Variants in MYO10 observed in about 807,000 individuals in gnomAD.
MYO10 encodes myosin X.
In MYO10, 133 loss-of-function variants were observed where a neutral mutation model predicts 257.3. The ratio of observed to expected loss-of-function variants is 0.52; its 90% CI spans 0.45 to 0.60. The LOEUF (loss-of-function observed/expected upper bound fraction) is 0.60. Ranked by LOEUF, MYO10 falls within the 20% of genes least tolerant of loss-of-function variation. MYO10 has a pLI of 0.00. For missense variants in MYO10, 2,399 were observed against 2,635.7 expected, an observed-to-expected ratio of 0.91 and a Z score of 1.97; for synonymous variants, 1,104 against 1,028.6, an observed-to-expected ratio of 1.07 and a Z score of -1.40.
chr5:16,741,697 A>G, intron 19 of MYO10: 2 of 778,106 alleles, frequency 2.6e-6, no homozygotes, highest in Non-Finnish European at 3.1e-6. Context: ...GCCTGGAGAA[A>G]CAGCAAAATC....
chr5:16,718,216 G>T (rs1042762583), intron 19 of MYO10, among the ~76,000 whole-genome samples: 1 of 152,180 alleles, frequency 6.6e-6, no homozygotes, highest in African/African-American at 2.4e-5. Context: ...CCTGCAGCCC[G>T]CCATGCCTGA....
At chr5:16,681,827 GGGGA>G (rs766800395) in intron 31 of MYO10, 40 bp downstream of exon 31, 11 of 1,589,966 alleles carry the variant, frequency 6.9e-6, no homozygotes, top group African/African-American at 1.3e-5. Flanking sequence ...CAAATGGAAA[GGGGA>G]GTCTGTTAAG....
intron 2 of MYO10, among the ~76,000 whole-genome samples, chr5:16,870,395 T>C (rs1305828802): frequency 1.3e-5 from 2 of 151,386 alleles, no homozygotes; most frequent in Non-Finnish European, 2.9e-5. Context: ...ACTACTCCAA[T>C]GTGGTTGGTC....
intron 28 of MYO10, among the ~76,000 whole-genome samples, chr5:16,688,404 T>G (rs945476306): frequency 5.3e-5 from 8 of 152,120 alleles, no homozygotes; most frequent in Admixed American, 5.2e-4. Context: ...ATCTTGGGGC[T>G]GAGAATTGAA....
chr5:16,859,196 A>C (rs915621763), intron 2 of MYO10, among the ~76,000 whole-genome samples: 6 of 152,168 alleles, frequency 3.9e-5, no homozygotes, highest in African/African-American at 1.4e-4. Context: ...GCTAATTAAC[A>C]ATAGAAATCT....
intron 27 of MYO10, 80 bp from the exon 28 acceptor site, chr5:16,689,999 A>G: frequency 9.7e-7 from 1 of 1,031,104 alleles, no homozygotes; most frequent in Non-Finnish European, 1.5e-6. Context: ...AATGAAGCCA[A>G]TGACTAGAGT....
At chr5:16,677,433 T>TTTTTTTTTTTTTTTTTTG (rs1363770924) in intron 33 of MYO10, among the ~76,000 whole-genome samples, 14 of 145,252 alleles carry the variant, frequency 9.6e-5, no homozygotes, top group African/African-American at 3.5e-4. Context: ...TTTTTTTTTT[T>TTTTTTTTTTTTTTTTTTG]GAGACGGAGT....
At chr5:16,854,223 C>T (rs948494645) in intron 2 of MYO10, 1 of 152,036 alleles carries the variant, frequency 6.6e-6, no homozygotes, top group Non-Finnish European at 1.5e-5. Flanking sequence ...ATGCATGGCC[C>T]AATATTAATG....
chr5:16,689,686 G>A (rs961187031), intron 28 of MYO10, 138 bp downstream of exon 28: 20 of 661,554 alleles, frequency 3.0e-5, no homozygotes, highest in African/African-American at 1.5e-4. Flanking sequence ...CATCAATCTC[G>A]TATGACTCTT....
intron 2 of MYO10, among the ~76,000 whole-genome samples, chr5:16,820,112 C>T (rs1169116904): frequency 6.6e-6 from 1 of 152,232 alleles, no homozygotes; most frequent in Non-Finnish European, 1.5e-5. Flanking sequence ...AAGTGCTTCG[C>T]ACCCAGAAGG....
intron 3 of MYO10, among the ~76,000 whole-genome samples, chr5:16,802,890 G>A (rs1043523268): frequency 4.0e-5 from 6 of 151,550 alleles, no homozygotes; most frequent in Non-Finnish European, 7.4e-5. Context: ...GATCACTTGA[G>A]CCCAGGAGTT....
chr5:16,726,495 G>C (rs1209394995), intron 19 of MYO10, among the ~76,000 whole-genome samples: 1 of 152,048 alleles, frequency 6.6e-6, no homozygotes, highest in African/African-American at 2.4e-5. Flanking sequence ...TGAAGTGCAG[G>C]GTGGTTAATT....
intron 4 of MYO10, among the ~76,000 whole-genome samples, chr5:16,789,588 G>C (rs1164549011): frequency 2.6e-5 from 4 of 152,124 alleles, no homozygotes; most frequent in Non-Finnish European, 5.9e-5. Context: ...AGGAGTTGGA[G>C]ACCAGCCTGA....
At chr5:16,851,554 C>T (rs1009590305) in intron 2 of MYO10, among the ~76,000 whole-genome samples, 1 of 152,166 alleles carries the variant, frequency 6.6e-6, no homozygotes, top group African/African-American at 2.4e-5. Flanking sequence ...GCCCAGAAAG[C>T]ACCTCCACAC....
chr5:16,676,581 G>A (rs1736733421), intron 33 of MYO10, among the ~76,000 whole-genome samples: 2 of 152,260 alleles, frequency 1.3e-5, no homozygotes, highest in South Asian at 4.1e-4. Context: ...CGGGTGTGGT[G>A]GCTGAGTAGC....
At position 16,840,134 on chromosome 5, in the gene MYO10, C is replaced by T. The variant is rs569007046; in HGVS notation, c.121-21967G>A. Among the ~76,000 whole-genome samples, 6 of 152,222 alleles carry T rather than the reference C, an allele frequency of 3.9e-5. No individual in the cohort carries two copies. In the East Asian group the frequency reaches 9.7e-4, roughly 25 times the overall value. ...CGGCAATTTAAAAGAAAGAACAGGCCGGGCATGGTGGCTCACGCCTATAAT... is the reference window on the plus strand; with the variant it reads ...CGGCAATTTAAAAGAAAGAACAGGCTGGGCATGGTGGCTCACGCCTATAAT... On this transcript the variant is annotated intron_variant, in intron 2 of 40. Coordinates refer to ENST00000513610, the MANE Select transcript of MYO10 (RefSeq NM_012334.3).
chr5:16,725,090 T>TTC (rs1360662639), intron 19 of MYO10, among the ~76,000 whole-genome samples: 1 of 135,816 alleles, frequency 7.4e-6, no homozygotes, highest in African/African-American at 2.8e-5. Context: ...TTTTTTTTTT[T>TTC]TTTTTTTTTT....
intron 2 of MYO10, among the ~76,000 whole-genome samples, chr5:16,865,794 G>C (rs1389667251): frequency 7.5e-6 from 1 of 133,958 alleles, no homozygotes; most frequent in African/African-American, 2.7e-5. Context: ...CTGGGTGACA[G>C]AGTTAGACTC....
chr5:16,784,761 G>T (rs1741524007), intron 4 of MYO10, among the ~76,000 whole-genome samples: 1 of 152,160 alleles, frequency 6.6e-6, no homozygotes, highest in Non-Finnish European at 1.5e-5. Flanking sequence ...ACGTTATCAA[G>T]AAAGAGGAAT....
Sources: allele counts gnomAD v4.1 joint callset (sites outside exome capture counted in the v4.1 genomes callset), GRCh38; gene constraint gnomAD v4.1.1; transcripts MANE v1.5; gene names NCBI Gene and HGNC (gene_info 2026-07-23, HGNC 2026-07-21).